RYR2: variants seen among roughly 807,000 people sequenced by gnomAD.
RYR2 encodes the protein cardiac muscle ryanodine receptor-calcium release channel.
Under a neutral mutation model 601.1 loss-of-function variants are expected in RYR2, and 227 were observed. The observed-to-expected ratio is 0.38, with a 90% CI of 0.34 to 0.42. The LOEUF is 0.42. Among genes scored for constraint, RYR2 ranks in the 10% least tolerant of loss-of-function variants. The pLI, the probability that RYR2 is intolerant of heterozygous loss-of-function variation, is 1.00. For missense variants in RYR2, 4,646 were observed against 6,156.5 expected (o/e 0.75, Z 8.21); for synonymous variants, 2,223 against 2,175.1 (o/e 1.02, Z -0.61).
intron 72 of RYR2, among the ~76,000 whole-genome samples, chr1:237,718,130 A>AAAAT (rs1558281049): frequency 7.2e-5 from 11 of 152,156 alleles, no homozygotes; most frequent in Non-Finnish European, 1.5e-4. Context: ...GGCTAAAATG[A>AAAAT]CTTCGTGGAG....
chr1:237,299,607 G>A (rs931801425), intron 2 of RYR2, among the ~76,000 whole-genome samples: 1 of 152,114 alleles, frequency 6.6e-6, no homozygotes, highest in African/African-American at 2.4e-5. Flanking sequence ...CAAAATAGTA[G>A]GGGCTGGATC....
intron 1 of RYR2, among the ~76,000 whole-genome samples, chr1:237,124,735 A>C (rs577813328): frequency 6.6e-6 from 1 of 151,988 alleles, no homozygotes; most frequent in Non-Finnish European, 1.5e-5. Context: ...GGAAGGTAAC[A>C]TTCACAGGGT....
chr1:237,242,370 G>A (rs1178713034), intron 1 of RYR2, among the ~76,000 whole-genome samples: 1 of 151,578 alleles, frequency 6.6e-6, no homozygotes, highest in African/African-American at 2.4e-5. Context: ...GTATTTAGGG[G>A]GATATACCTA....
intron 1 of RYR2, among the ~76,000 whole-genome samples, chr1:237,077,832 A>AGCACC (rs1470553704): frequency 6.6e-6 from 1 of 151,744 alleles, no homozygotes; most frequent in Non-Finnish European, 1.5e-5. Context: ...CATTTTTTTC[A>AGCACC]GCACCACACC....
chr1:237,575,535 T>C (rs898342826), intron 29 of RYR2, among the ~76,000 whole-genome samples: 3 of 151,900 alleles, frequency 2.0e-5, no homozygotes, highest in African/African-American at 7.3e-5. Context: ...CTCTCTTCTT[T>C]CCCCCCACCC....
chr1:237,774,384 G>T (rs1694496392), intron 87 of RYR2, among the ~76,000 whole-genome samples: 1 of 152,096 alleles, frequency 6.6e-6, no homozygotes, highest in Non-Finnish European at 1.5e-5. Flanking sequence ...AAAATAAATT[G>T]TATCCCAGGA....
chr1:237,727,268 A>G, intron 76 of RYR2, 69 bp downstream of exon 76: 1 of 693,188 alleles, frequency 1.4e-6, no homozygotes, highest in South Asian at 2.4e-5. Flanking sequence ...GGTGTTTAGA[A>G]TCTACCTTAA....
intron 1 of RYR2, among the ~76,000 whole-genome samples, chr1:237,186,750 C>A (rs549488979): frequency 3.9e-4 from 60 of 152,338 alleles, no homozygotes; most frequent in African/African-American, 1.4e-3. Context: ...CTGTTGAAAA[C>A]AGAGAGAAAA....
chr1:237,609,459 T>G (rs1677568768), intron 35 of RYR2, among the ~76,000 whole-genome samples: 1 of 147,574 alleles, frequency 6.8e-6, no homozygotes, highest in Non-Finnish European at 1.5e-5. Context: ...AACCTCCGCC[T>G]CCCAGGTTCA....
At chr1:237,727,634 T>G (rs1315378542) in intron 76 of RYR2, among the ~76,000 whole-genome samples, 1 of 152,164 alleles carries the variant, frequency 6.6e-6, no homozygotes, top group Non-Finnish European at 1.5e-5. Context: ...TTGTTCAGAT[T>G]ATTTAATGGG....
chr1:237,654,797 A>C (rs1683086910), intron 52 of RYR2, among the ~76,000 whole-genome samples: 1 of 152,222 alleles, frequency 6.6e-6, no homozygotes, highest in African/African-American at 2.4e-5. Context: ...ATGTAATTGT[A>C]ATATCCCAGT....
chr1:237,413,611 G>T (rs980074695), intron 10 of RYR2, among the ~76,000 whole-genome samples: 4 of 151,886 alleles, frequency 2.6e-5, no homozygotes, highest in Non-Finnish European at 5.9e-5. Context: ...CGTAATTAAT[G>T]CTAATAGTTT....
chr1:237,383,708 C>T (rs773862862), intron 8 of RYR2, among the ~76,000 whole-genome samples: 9 of 152,138 alleles, frequency 5.9e-5, no homozygotes, highest in Non-Finnish European at 8.8e-5. Flanking sequence ...GGATTACAGG[C>T]GTGAGCCACC....
At chr1:237,100,354 T>G (rs904232593) in intron 1 of RYR2, among the ~76,000 whole-genome samples, 1 of 151,706 alleles carries the variant, frequency 6.6e-6, no homozygotes, top group Non-Finnish European at 1.5e-5. Context: ...TCTTCTCTCT[T>G]CTTCTTCCTC....
At chr1:237,468,668 G>T (rs1414741141) in intron 16 of RYR2, among the ~76,000 whole-genome samples, 1 of 152,098 alleles carries the variant, frequency 6.6e-6, no homozygotes, top group East Asian at 1.9e-4. Context: ...GTATTTTGTG[G>T]TTCATTTTCA....
intron 10 of RYR2, among the ~76,000 whole-genome samples, chr1:237,415,392 A>C (rs115059712): frequency 6.6e-6 from 1 of 152,308 alleles, no homozygotes; most frequent in African/African-American, 2.4e-5. Flanking sequence ...CTTAGGTCCT[A>C]ATGGATGGAT....
At chr1:237,167,662 A>C (rs1478919444) in intron 1 of RYR2, among the ~76,000 whole-genome samples, 1 of 151,096 alleles carries the variant, frequency 6.6e-6, no homozygotes, top group East Asian at 1.9e-4. Flanking sequence ...AAATTGAGTA[A>C]TGTGATATTA....
In RYR2 at chr1:237,128,157, C is replaced by T. The variant is rs570203928; in HGVS notation, c.48+85588C>T. ...CGGCACCTCGGGAGGCCGAGGCTGG[C>T]GGATCACTTGCGGTTAGGGGCTGGA... On this transcript the variant is annotated intron_variant, in intron 1 of 104. Coordinates refer to ENST00000366574, the MANE Select transcript of RYR2 (RefSeq NM_001035.3). Among the ~76,000 whole-genome samples the T allele has an allele frequency of 8.9e-4, 136 of 152,304 alleles. 1 individual carries two copies. The East Asian group carries it at 0.024, about 26-fold the overall frequency.
At chr1:237,506,362 C>T (rs1212074651) in intron 22 of RYR2, among the ~76,000 whole-genome samples, 2 of 151,918 alleles carry the variant, frequency 1.3e-5, no homozygotes, top group Admixed American at 1.3e-4. Flanking sequence ...ACGGTGAAAC[C>T]CCGTCTCTAC....
Sources: allele counts gnomAD v4.1 joint callset (sites outside exome capture counted in the v4.1 genomes callset), GRCh38; gene constraint gnomAD v4.1.1; transcripts MANE v1.5; gene names NCBI Gene and HGNC (gene_info 2026-07-23, HGNC 2026-07-21).